Variants in CNTNAP2 observed in about 807,000 individuals in gnomAD.
The protein encoded by CNTNAP2 is contactin associated protein 2.
Under a neutral mutation model 155.2 loss-of-function variants are expected in CNTNAP2, and 98 were observed. The ratio of observed to expected loss-of-function variants is 0.63; its 90% CI spans 0.54 to 0.75. CNTNAP2 has a LOEUF of 0.75. Ranked by LOEUF, CNTNAP2 falls within the 30% of genes least tolerant of loss-of-function variation. CNTNAP2 has a pLI of 0.00. For synonymous variants in CNTNAP2, 651 were observed against 631.2 expected (o/e 1.03, Z -0.47); for missense variants, 1,727 against 1,688.1 (o/e 1.02, Z -0.40).
intron 8 of CNTNAP2, among the ~76,000 whole-genome samples, chr7:147,199,916 T>G (rs1802888641): frequency 6.6e-6 from 1 of 151,806 alleles, no homozygotes; most frequent in Non-Finnish European, 1.5e-5. Context: ...TTTGAAGGAG[T>G]GGATTCAAGT....
intron 1 of CNTNAP2, among the ~76,000 whole-genome samples, chr7:146,438,444 G>C (rs1314653933): frequency 6.6e-6 from 1 of 151,336 alleles, no homozygotes; most frequent in Admixed American, 6.6e-5. Flanking sequence ...CTCTCTACTG[G>C]ATAAGAGAGT....
chr7:147,603,631 A>C (rs1801001671), intron 12 of CNTNAP2, among the ~76,000 whole-genome samples: 1 of 152,220 alleles, frequency 6.6e-6, no homozygotes, highest in Admixed American at 6.5e-5. Flanking sequence ...AATATCGTGA[A>C]AATGGCCATA....
Position 147,733,696 on chromosome 7 carries a change from G to C in CNTNAP2, c.2098+94390G>C, listed in dbSNP as rs371474421. On this transcript the variant is annotated intron_variant, in intron 13 of 23. Coordinates refer to ENST00000361727, the MANE Select transcript of CNTNAP2 (RefSeq NM_014141.6). ...TGTTTGTATCCTCTTTTATTTCATT[G>C]AACAATGGTTTGTAGTTCTCCTTGA... is the stretch of plus-strand genomic sequence containing the variant. 5.9e-5 allele frequency among the ~76,000 whole-genome samples: 9 copies of C among 152,124 alleles called. No homozygotes were observed. In the South Asian group the frequency reaches 1.5e-3, roughly 25 times the overall value.
intron 1 of CNTNAP2, among the ~76,000 whole-genome samples, chr7:146,290,692 CTGTT>C (rs755013074): frequency 6.6e-6 from 1 of 152,102 alleles, no homozygotes; most frequent in Admixed American, 6.5e-5. Context: ...TAGATCGAAA[CTGTT>C]TGTGTTTTAT....
chr7:147,596,044 A>G (rs1286712000), intron 12 of CNTNAP2, among the ~76,000 whole-genome samples: 2 of 152,084 alleles, frequency 1.3e-5, no homozygotes, highest in Admixed American at 6.5e-5. Context: ...CAGCTCCAAC[A>G]TCTGTTAAGC....
chr7:147,726,064 C>G (rs1796636761), intron 13 of CNTNAP2, among the ~76,000 whole-genome samples: 1 of 151,916 alleles, frequency 6.6e-6, no homozygotes, highest in Admixed American at 6.6e-5. Context: ...AAATAATCAA[C>G]AGTATGGCGA....
chr7:146,191,566 C>T (rs951919561), intron 1 of CNTNAP2, among the ~76,000 whole-genome samples: 3 of 152,088 alleles, frequency 2.0e-5, no homozygotes, highest in African/African-American at 7.2e-5. Context: ...GGGAGTGCTA[C>T]GGGAGACCAG....
chr7:147,565,149 GTAT>G (rs1800144885), intron 12 of CNTNAP2, among the ~76,000 whole-genome samples: 2 of 152,126 alleles, frequency 1.3e-5, no homozygotes, highest in Non-Finnish European at 2.9e-5. Flanking sequence ...TAAATCCGAA[GTAT>G]AAAAGGAGGC....
chr7:148,270,626 T>C lies in CNTNAP2; in HGVS notation c.3475+3500T>C, dbSNP rs114731452. Among the ~76,000 whole-genome samples the C allele has an allele frequency of 8.6e-3, 1,304 of 152,330 alleles. 10 individuals carry two copies. Among genetic ancestry groups the C allele is most frequent in the Middle Eastern group, 0.027 (8 of 294 alleles). ...AGGGGAAGGAAACAGAAAGATATCA[T>C]TGTAGACGTATACTGCAGGGTGAAA... On this transcript the variant is annotated intron_variant, in intron 21 of 23. Coordinates refer to ENST00000361727, the MANE Select transcript of CNTNAP2 (RefSeq NM_014141.6).
intron 4 of CNTNAP2, among the ~76,000 whole-genome samples, chr7:147,075,690 G>A (rs1799984481): frequency 6.6e-6 from 1 of 151,796 alleles, no homozygotes; most frequent in African/African-American, 2.4e-5. Flanking sequence ...GTGCAGGTTT[G>A]TTACATATGT....
chr7:146,620,128 T>A lies in CNTNAP2; in HGVS notation c.98-154143T>A, dbSNP rs574176353. On this transcript the variant is annotated intron_variant, in intron 1 of 23. Transcript: ENST00000361727. ...CTTTTCCACAATACTCTTAAGTCAT[T>A]GTTGTAACTGAAAATGATCAAGAGT... Among the ~76,000 whole-genome samples, 3 of 152,320 alleles carry A rather than the reference T, an allele frequency of 2.0e-5. No individual in the cohort carries two copies. In the East Asian group the frequency reaches 5.8e-4, roughly 29 times the overall value.
At chr7:146,985,900 T>TTA (rs1344236118) in intron 3 of CNTNAP2, among the ~76,000 whole-genome samples, 1 of 152,166 alleles carries the variant, frequency 6.6e-6, no homozygotes, top group Non-Finnish European at 1.5e-5. Context: ...ACTTAAACAT[T>TTA]TAAAGTCTGT....
chr7:146,993,671 A>G (rs993428462), intron 3 of CNTNAP2, among the ~76,000 whole-genome samples: 5 of 152,112 alleles, frequency 3.3e-5, no homozygotes, highest in African/African-American at 4.8e-5. Context: ...ACAGTGCTAT[A>G]TAGATTGTCA....
At chr7:146,360,885 C>A (rs879414668) in intron 1 of CNTNAP2, among the ~76,000 whole-genome samples, 1 of 152,182 alleles carries the variant, frequency 6.6e-6, no homozygotes, top group Admixed American at 6.5e-5. Flanking sequence ...TGACATGAAA[C>A]AGTGATTCAT....
intron 1 of CNTNAP2, among the ~76,000 whole-genome samples, chr7:146,308,309 A>C (rs1222798151): frequency 6.6e-6 from 1 of 152,230 alleles, no homozygotes; most frequent in Non-Finnish European, 1.5e-5. Flanking sequence ...AATGGCAATC[A>C]TTAAAAAGTC....
At chr7:146,545,865 A>G (rs1411158255) in intron 1 of CNTNAP2, among the ~76,000 whole-genome samples, 1 of 151,924 alleles carries the variant, frequency 6.6e-6, no homozygotes, top group African/African-American at 2.4e-5. Flanking sequence ...TTCTACTATA[A>G]AGACACATGC....
At chr7:147,647,671 A>G (rs1795389126) in intron 13 of CNTNAP2, among the ~76,000 whole-genome samples, 1 of 152,160 alleles carries the variant, frequency 6.6e-6, no homozygotes, top group Admixed American at 6.5e-5. Flanking sequence ...ATCTTCCATC[A>G]TGCCCAGCTT....
At chr7:147,248,852 G>A (rs931145025) in intron 8 of CNTNAP2, among the ~76,000 whole-genome samples, 1 of 152,214 alleles carries the variant, frequency 6.6e-6, no homozygotes, top group Non-Finnish European at 1.5e-5. Flanking sequence ...GGCATGAAGA[G>A]AGAACAAGGT....
intron 9 of CNTNAP2, among the ~76,000 whole-genome samples, chr7:147,356,235 C>A (rs185322586): frequency 1.3e-5 from 2 of 152,146 alleles, no homozygotes; most frequent in Admixed American, 1.3e-4. Context: ...AAATTCAACA[C>A]CCCTTCATGC....
Sources: allele counts gnomAD v4.1 joint callset (sites outside exome capture counted in the v4.1 genomes callset), GRCh38; gene constraint gnomAD v4.1.1; transcripts MANE v1.5; gene names NCBI Gene and HGNC (gene_info 2026-07-23, HGNC 2026-07-21).